The following FSTL5 variants were observed in gnomAD, a reference collection of about 807,000 sequenced individuals.
FSTL5 encodes the protein follistatin-related protein 5.
A neutral mutation model predicts 89.1 loss-of-function variants in FSTL5; 62 were observed. The observed-to-expected ratio is 0.70, with a 90% CI of 0.57 to 0.86. The LOEUF (loss-of-function observed/expected upper bound fraction) is 0.86. Among genes scored for constraint, FSTL5 ranks in the 40% least tolerant of loss-of-function variants. The pLI is 0.00. For missense variants in FSTL5, 1,057 were observed against 1,001.6 expected (o/e 1.06, Z -0.75); for synonymous variants, 383 against 346.2 (o/e 1.11, Z -1.18).
chr4:161,899,832 G>A (rs1733294186), intron 4 of FSTL5, among the ~76,000 whole-genome samples: 1 of 152,142 alleles, frequency 6.6e-6, no homozygotes, highest in African/African-American at 2.4e-5. Context: ...TAGTGAACAT[G>A]TAACCAGCAG....
chr4:161,758,432 T>G (rs1046829307), intron 6 of FSTL5, among the ~76,000 whole-genome samples: 46 of 152,210 alleles, frequency 3.0e-4, no homozygotes, highest in African/African-American at 1.1e-3. Flanking sequence ...TAAATTTACT[T>G]TGTCTTTCTT....
At chr4:161,532,796 C>T (rs1232400280) in intron 10 of FSTL5, among the ~76,000 whole-genome samples, 2 of 152,110 alleles carry the variant, frequency 1.3e-5, no homozygotes, top group Non-Finnish European at 2.9e-5. Context: ...ACATTCTTCT[C>T]TTTTGCCCAT....
chr4:161,866,600 T>C (rs1732100150), intron 4 of FSTL5, among the ~76,000 whole-genome samples: 1 of 151,816 alleles, frequency 6.6e-6, no homozygotes, highest in African/African-American at 2.4e-5. Flanking sequence ...CTTTTCAATA[T>C]TTTAGCCCTC....
intron 6 of FSTL5, among the ~76,000 whole-genome samples, chr4:161,707,336 A>C (rs1319409704): frequency 1.3e-5 from 2 of 151,928 alleles, no homozygotes; most frequent in East Asian, 3.8e-4. Flanking sequence ...TTGAGAAACT[A>C]TGTTGATGCA....
chr4:161,449,183 T>G (rs1284671942), intron 15 of FSTL5, among the ~76,000 whole-genome samples: 1 of 152,074 alleles, frequency 6.6e-6, no homozygotes, highest in East Asian at 1.9e-4. Context: ...ATGTAATCAC[T>G]GACTGAAATA....
intron 15 of FSTL5, among the ~76,000 whole-genome samples, chr4:161,431,246 T>A (rs1304645204): frequency 6.6e-6 from 1 of 151,976 alleles, no homozygotes; most frequent in African/African-American, 2.4e-5. Context: ...GCACAACAAC[T>A]TTTCAAGACA....
intron 1 of FSTL5, among the ~76,000 whole-genome samples, chr4:162,118,980 A>G (rs1579042908): frequency 6.6e-6 from 1 of 152,200 alleles, no homozygotes; most frequent in Non-Finnish European, 1.5e-5. Context: ...AGACACACAT[A>G]CAAGGTGAGA....
At chr4:161,704,365 G>A (rs1579034899) in intron 6 of FSTL5, among the ~76,000 whole-genome samples, 2 of 152,128 alleles carry the variant, frequency 1.3e-5, no homozygotes, top group South Asian at 4.1e-4. Flanking sequence ...ACCACCTTGG[G>A]CACACATCCT....
Position 161,476,627 on chromosome 4 carries a change from C to G in FSTL5, c.1608+4393G>C, listed in dbSNP as rs552110638. On this transcript the variant is annotated intron_variant, in intron 13 of 15. Coordinates refer to ENST00000306100, the MANE Select transcript of FSTL5 (RefSeq NM_020116.5). ...CCTTTCTCTGGGCACCAACTGGTCA[C>G]TTTCTAATTTTTCTCCTATATGCAC... 3.3e-5 allele frequency among the ~76,000 whole-genome samples: 5 copies of G among 152,174 alleles called. No individual in the cohort carries two copies. In the East Asian group the frequency reaches 9.6e-4, roughly 29 times the overall value.
At chr4:161,589,430 G>A (rs370257161) in intron 7 of FSTL5, among the ~76,000 whole-genome samples, 11 of 152,056 alleles carry the variant, frequency 7.2e-5, no homozygotes, top group Admixed American at 3.9e-4. Context: ...TGATCCGGCC[G>A]CCTCAGCCTC....
chr4:161,396,704 T>A (rs1731015994), intron 15 of FSTL5, among the ~76,000 whole-genome samples: 1 of 139,030 alleles, frequency 7.2e-6, no homozygotes, highest in Non-Finnish European at 1.5e-5. Context: ...ATATAAGCCA[T>A]ATTATCATTT....
intron 4 of FSTL5, among the ~76,000 whole-genome samples, chr4:161,797,776 A>G (rs1729677701): frequency 6.6e-6 from 1 of 151,596 alleles, no homozygotes; most frequent in African/African-American, 2.4e-5. Context: ...TTAATATGAT[A>G]TTTTTGAAGC....
intron 1 of FSTL5, among the ~76,000 whole-genome samples, chr4:162,162,343 A>T (rs544917576): frequency 2.0e-4 from 30 of 152,292 alleles, no homozygotes; most frequent in African/African-American, 6.7e-4. Context: ...TCAGTTGAAT[A>T]ATACTTATTA....
intron 15 of FSTL5, among the ~76,000 whole-genome samples, chr4:161,415,821 G>GATATATAT (rs60018441): frequency 4.3e-5 from 6 of 139,782 alleles, no homozygotes; most frequent in East Asian, 2.1e-4. Context: ...ACATATAGGG[G>GATATATAT]ATATATATAT....
chr4:162,124,117 C>T (rs941847086), intron 1 of FSTL5, among the ~76,000 whole-genome samples: 1 of 152,026 alleles, frequency 6.6e-6, no homozygotes, highest in Non-Finnish European at 1.5e-5. Context: ...ATGCTTTTAA[C>T]AGATAATAAA....
intron 15 of FSTL5, among the ~76,000 whole-genome samples, chr4:161,415,127 C>T (rs1270032796): frequency 6.6e-6 from 1 of 151,980 alleles, no homozygotes; most frequent in Non-Finnish European, 1.5e-5. Context: ...TATCACTCAC[C>T]AGCTTATTCT....
intron 4 of FSTL5, among the ~76,000 whole-genome samples, chr4:161,866,658 C>G (rs1252295580): frequency 6.6e-6 from 1 of 151,682 alleles, no homozygotes; most frequent in Non-Finnish European, 1.5e-5. Flanking sequence ...GCCTTAACAA[C>G]AATTATAATT....
chr4:162,107,924 C>A (rs970745879), intron 2 of FSTL5, among the ~76,000 whole-genome samples: 1 of 151,966 alleles, frequency 6.6e-6, no homozygotes, highest in Non-Finnish European at 1.5e-5. Flanking sequence ...AATAATATTC[C>A]CTACATCCCA....
intron 10 of FSTL5, among the ~76,000 whole-genome samples, chr4:161,522,266 G>A: frequency 6.6e-6 from 1 of 152,148 alleles, no homozygotes; most frequent in Non-Finnish European, 1.5e-5. Flanking sequence ...AGAAAATCAG[G>A]CCAAGTAGCA....
Sources: allele counts gnomAD v4.1 joint callset (sites outside exome capture counted in the v4.1 genomes callset), GRCh38; gene constraint gnomAD v4.1.1; transcripts MANE v1.5; gene names NCBI Gene and HGNC (gene_info 2026-07-23, HGNC 2026-07-21).